FAM168A: variants seen among roughly 807,000 people sequenced by gnomAD.
The protein encoded by FAM168A is family with sequence similarity 168 member A.
Under a neutral mutation model 28.5 loss-of-function variants are expected in FAM168A, and 3 were observed. The ratio of observed to expected loss-of-function variants is 0.11; its 90% CI spans 0.05 to 0.27. The LOEUF (loss-of-function observed/expected upper bound fraction) is 0.27, where lower values mean the gene tolerates loss of function less well. Among genes scored for constraint, FAM168A ranks in the 10% least tolerant of loss-of-function variants. FAM168A has a pLI of 1.00. For synonymous variants in FAM168A, 122 were observed against 124.2 expected, an observed-to-expected ratio of 0.98 and a Z score of 0.12; for missense variants, 222 against 311.5, an observed-to-expected ratio of 0.71 and a Z score of 2.16.
chr11:73,523,194 C>A (rs747107230), intron 1 of FAM168A, among the ~76,000 whole-genome samples: 3 of 152,148 alleles, frequency 2.0e-5, no homozygotes, highest in Non-Finnish European at 2.9e-5. Flanking sequence ...GGAGTTTCAG[C>A]TTCTCTAGTA....
Position 73,402,859 on chromosome 11 carries a change from A to G in FAM168A, c.*3904T>C, listed in dbSNP as rs968815113. ...TGGGTCCCTCCCCAGGGCTCATTACAGGTCCTGGCCCAAAGCAGTTCATAC... is the reference window on the plus strand; with the variant it reads ...TGGGTCCCTCCCCAGGGCTCATTACGGGTCCTGGCCCAAAGCAGTTCATAC... On this transcript the variant is annotated 3_prime_UTR_variant, in exon 8 of 8. Transcript: ENST00000356467. The G allele has an allele frequency of 6.6e-6, 1 of 152,216 alleles. No homozygotes were observed. Among genetic ancestry groups the G allele is most frequent in the Non-Finnish European group, 1.5e-5 (1 of 68,042 alleles). 9.4% of individuals were successfully genotyped at this position (152,216 alleles called of 1,614,324 possible). A position where few individuals can be genotyped will look rare whatever the true frequency, so the allele number is the denominator to read the frequency against.
At chr11:73,432,825 G>C (rs1307841762) in intron 2 of FAM168A, among the ~76,000 whole-genome samples, 3 of 152,136 alleles carry the variant, frequency 2.0e-5, no homozygotes, top group African/African-American at 7.2e-5. Flanking sequence ...TGGGGCTGCA[G>C]TGAGCCGAGA....
chr11:73,593,148 G>T (rs1191229589), intron 1 of FAM168A, among the ~76,000 whole-genome samples: 1 of 152,096 alleles, frequency 6.6e-6, no homozygotes, highest in African/African-American at 2.4e-5. Flanking sequence ...GCAAAGAAAT[G>T]ATTCACATAA....
chr11:73,407,479 C>T, intron 7 of FAM168A, 34 bp downstream of exon 7: 1 of 1,444,956 alleles, frequency 6.9e-7, no homozygotes. Context: ...TGTATGTATC[C>T]CCCTCCCACT....
chr11:73,424,316 G>A (rs1046508529), intron 3 of FAM168A, among the ~76,000 whole-genome samples: 1 of 152,172 alleles, frequency 6.6e-6, no homozygotes, highest in Non-Finnish European at 1.5e-5. Flanking sequence ...CAGCCCAGGT[G>A]AGGGTGGTGA....
chr11:73,468,786 C>G (rs1385033856), intron 1 of FAM168A, among the ~76,000 whole-genome samples: 1 of 152,202 alleles, frequency 6.6e-6, no homozygotes, highest in African/African-American at 2.4e-5. Flanking sequence ...AGCTCTGGCA[C>G]TAGAGTACTA....
chr11:73,415,152 C>A (rs1866675622), intron 4 of FAM168A, among the ~76,000 whole-genome samples: 1 of 152,218 alleles, frequency 6.6e-6, no homozygotes, highest in East Asian at 1.9e-4. Flanking sequence ...AAATGAGACA[C>A]ACACATACTC....
intron 1 of FAM168A, among the ~76,000 whole-genome samples, chr11:73,569,194 A>T (rs1300225775): frequency 6.6e-6 from 1 of 152,232 alleles, no homozygotes; most frequent in Non-Finnish European, 1.5e-5. Context: ...AATCAGGAGA[A>T]AGCATAGGAT....
intron 1 of FAM168A, among the ~76,000 whole-genome samples, chr11:73,576,816 A>C (rs1944182331): frequency 6.6e-6 from 1 of 152,058 alleles, no homozygotes; most frequent in South Asian, 2.1e-4. Context: ...CAATCCTCCA[A>C]CCCAAATAAA....
chr11:73,430,829 A>C, intron 2 of FAM168A, 59 bp from the exon 3 acceptor site: 1 of 1,410,118 alleles, frequency 7.1e-7, no homozygotes, highest in Non-Finnish European at 9.7e-7. Flanking sequence ...ACAAAACAAA[A>C]CAAAACAAAA....
At chr11:73,480,446 A>G (rs549157638) in intron 1 of FAM168A, among the ~76,000 whole-genome samples, 3 of 152,024 alleles carry the variant, frequency 2.0e-5, no homozygotes, top group African/African-American at 4.8e-5. Flanking sequence ...AAAGAACCCA[A>G]CTATTCATTA....
intron 1 of FAM168A, among the ~76,000 whole-genome samples, chr11:73,573,394 G>A (rs1944131111): frequency 6.6e-6 from 1 of 152,194 alleles, no homozygotes; most frequent in South Asian, 2.1e-4. Context: ...CCTTGTTCTA[G>A]GGATCAAGAT....
intron 2 of FAM168A, among the ~76,000 whole-genome samples, chr11:73,447,606 A>T (rs1356724483): frequency 6.6e-6 from 1 of 150,852 alleles, no homozygotes; most frequent in African/African-American, 2.4e-5. Context: ...TAGGTCTAGT[A>T]TCAGTCCAGT....
intron 1 of FAM168A, among the ~76,000 whole-genome samples, chr11:73,593,308 T>C (rs1944403077): frequency 6.6e-6 from 1 of 152,190 alleles, no homozygotes; most frequent in South Asian, 2.1e-4. Flanking sequence ...ATTCTTTAAG[T>C]TGTGGGTTTA....
At chr11:73,460,177 G>A (rs1025508537) in intron 2 of FAM168A, among the ~76,000 whole-genome samples, 1 of 151,936 alleles carries the variant, frequency 6.6e-6, no homozygotes, top group African/African-American at 2.4e-5. Flanking sequence ...ACCGCACCCG[G>A]CCTCCAAATG....
At chr11:73,537,130 G>A (rs1943592521) in intron 1 of FAM168A, among the ~76,000 whole-genome samples, 1 of 152,144 alleles carries the variant, frequency 6.6e-6, no homozygotes, top group Admixed American at 6.6e-5. Context: ...ACAGAAAAGA[G>A]GGGAAGTGTA....
At chr11:73,540,147 C>A (rs1391222036) in intron 1 of FAM168A, among the ~76,000 whole-genome samples, 2 of 151,986 alleles carry the variant, frequency 1.3e-5, no homozygotes, top group Admixed American at 1.3e-4. Flanking sequence ...CTAGTAAAGC[C>A]CTGGCATAAA....
intron 2 of FAM168A, among the ~76,000 whole-genome samples, chr11:73,457,723 C>CAAAAAAAAAAAAAAAAA (rs58142151): frequency 1.1e-4 from 4 of 37,544 alleles, no homozygotes; most frequent in Non-Finnish European, 1.6e-4. Context: ...GCCTGGGTGA[C>CAAAAAAAAAAAAAAAAA]AAAAAAAAAA....
intron 1 of FAM168A, among the ~76,000 whole-genome samples, chr11:73,583,130 C>T (rs559981472): frequency 6.6e-5 from 10 of 152,246 alleles, no homozygotes; most frequent in East Asian, 3.9e-4. Flanking sequence ...GAGTGAAACC[C>T]CGTCTTTACT....
Sources: allele counts gnomAD v4.1 joint callset (sites outside exome capture counted in the v4.1 genomes callset), GRCh38; gene constraint gnomAD v4.1.1; transcripts MANE v1.5; gene names NCBI Gene and HGNC (gene_info 2026-07-23, HGNC 2026-07-21).